Variants in HDAC9 observed in about 807,000 individuals in gnomAD.
HDAC9 encodes the protein MEF-2 interacting transcription repressor (MITR) protein.
A neutral mutation model predicts 139.4 loss-of-function variants in HDAC9; 41 were observed. The observed-to-expected ratio is 0.29, with a 90% CI of 0.23 to 0.38. HDAC9 has a LOEUF of 0.38. HDAC9 is among the 10% of genes least tolerant of loss of function. The probability of loss-of-function intolerance (pLI) is 1.00; values close to 1 mark genes in which losing one functional copy is unlikely to be tolerated. For missense variants in HDAC9, 1,147 were observed against 1,297.0 expected (o/e 0.88, Z 1.78); for synonymous variants, 517 against 476.2 (o/e 1.09, Z -1.12).
At chr7:18,811,449 A>C (rs1313634429) in intron 17 of HDAC9, among the ~76,000 whole-genome samples, 1 of 151,476 alleles carries the variant, frequency 6.6e-6, no homozygotes, top group Non-Finnish European at 1.5e-5. Flanking sequence ...TTTCATTTTC[A>C]CTTGTCTGAT....
intron 6 of HDAC9, among the ~76,000 whole-genome samples, chr7:18,594,408 A>C (rs1245699211): frequency 1.3e-5 from 2 of 152,118 alleles, no homozygotes; most frequent in Non-Finnish European, 2.9e-5. Context: ...CATTTACCAC[A>C]AAAACGAGAA....
chr7:18,791,827 G>A (rs894854015), intron 16 of HDAC9, among the ~76,000 whole-genome samples: 29 of 152,312 alleles, frequency 1.9e-4, no homozygotes, highest in Non-Finnish European at 1.5e-4. Context: ...TGAAATGGTA[G>A]TAGCTAGCTT....
intron 17 of HDAC9, among the ~76,000 whole-genome samples, chr7:18,806,360 G>T (rs796765702): frequency 2.0e-5 from 3 of 152,250 alleles, no homozygotes; most frequent in Admixed American, 6.5e-5. Flanking sequence ...CCTTATTCAG[G>T]GGATGGCAGA....
intron 5 of HDAC9, among the ~76,000 whole-genome samples, chr7:18,592,770 A>G (rs1407429458): frequency 1.3e-5 from 2 of 152,158 alleles, no homozygotes; most frequent in Non-Finnish European, 2.9e-5. Flanking sequence ...CAAATCTCTG[A>G]AAAACAATTT....
intron 25 of HDAC9, among the ~76,000 whole-genome samples, chr7:18,991,933 C>T (rs1786010931): frequency 6.6e-6 from 1 of 152,132 alleles, no homozygotes; most frequent in African/African-American, 2.4e-5. Context: ...GTTCCTAGTG[C>T]CTAGAACAGA....
chr7:18,602,322 G>A (rs75885189), intron 6 of HDAC9, among the ~76,000 whole-genome samples: 4,016 of 151,878 alleles, frequency 0.026, 129 homozygotes, highest in African/African-American at 0.075. Context: ...TCTAATATTA[G>A]TTATTAGTTT....
At chr7:18,768,958 C>T (rs1057173285) in intron 16 of HDAC9, among the ~76,000 whole-genome samples, 7 of 152,080 alleles carry the variant, frequency 4.6e-5, no homozygotes, top group African/African-American at 1.4e-4. Context: ...ATGCTTTTGC[C>T]AAACTGTAGG....
chr7:18,429,513 A>G (rs1263560555), intron 1 of HDAC9, among the ~76,000 whole-genome samples: 2 of 152,016 alleles, frequency 1.3e-5, no homozygotes, highest in Non-Finnish European at 2.9e-5. Context: ...TCAATTGCAG[A>G]TGGCTATCCA....
At chr7:18,925,200 A>G (rs1212382460) in intron 22 of HDAC9, among the ~76,000 whole-genome samples, 3 of 152,130 alleles carry the variant, frequency 2.0e-5, no homozygotes, top group Non-Finnish European at 4.4e-5. Flanking sequence ...GCACTTCAAT[A>G]TTACTTGGAT....
intron 1 of HDAC9, among the ~76,000 whole-genome samples, chr7:18,408,046 G>T (rs1473983789): frequency 6.6e-6 from 1 of 151,974 alleles, no homozygotes; most frequent in East Asian, 1.9e-4. Flanking sequence ...ATTATTGAGG[G>T]GATTAAATGA....
chr7:18,591,488 TG>T (rs1830950428), intron 4 of HDAC9, 27 bp from the exon 5 acceptor site: 1 of 1,547,246 alleles, frequency 6.5e-7, no homozygotes, highest in Non-Finnish European at 8.7e-7. Flanking sequence ...TGTGTGTGTG[TG>T]TGTGTGTGTG....
intron 21 of HDAC9, among the ~76,000 whole-genome samples, chr7:18,870,997 T>A (rs1036529016): frequency 6.6e-6 from 1 of 152,198 alleles, no homozygotes; most frequent in Non-Finnish European, 1.5e-5. Context: ...GAATCTTGCC[T>A]GCATCAGTTA....
At chr7:18,712,474 A>T (rs1205780561) in intron 12 of HDAC9, among the ~76,000 whole-genome samples, 3 of 152,246 alleles carry the variant, frequency 2.0e-5, no homozygotes, top group Non-Finnish European at 4.4e-5. Context: ...ATAAATAGCT[A>T]CTAATAACTA....
At chr7:18,701,174 T>C (rs1783442390) in intron 12 of HDAC9, among the ~76,000 whole-genome samples, 1 of 151,510 alleles carries the variant, frequency 6.6e-6, no homozygotes, top group South Asian at 2.1e-4. Flanking sequence ...ACCTTGCCAC[T>C]GTGAGGTTTT....
chr7:18,809,512 T>C (rs1387430866), intron 17 of HDAC9, among the ~76,000 whole-genome samples: 3 of 151,826 alleles, frequency 2.0e-5, no homozygotes, highest in Non-Finnish European at 4.4e-5. Context: ...CAAAATAACC[T>C]GATGAAAAGG....
intron 9 of HDAC9, 32 bp downstream of exon 9, chr7:18,644,825 A>T: frequency 6.3e-7 from 1 of 1,582,334 alleles, no homozygotes; most frequent in East Asian, 2.3e-5. Flanking sequence ...GCCTTAATCA[A>T]CCTAAGCAAT....
chr7:18,493,929 AC>A (rs1463624413), upstream of HDAC9, among the ~76,000 whole-genome samples: 1 of 152,032 alleles, frequency 6.6e-6, no homozygotes, highest in Non-Finnish European at 1.5e-5. Flanking sequence ...TTTGAAAACT[AC>A]AATTGACTAT....
At chr7:18,375,925 A>G (rs185642536) in intron 1 of HDAC9, among the ~76,000 whole-genome samples, 46 of 152,356 alleles carry the variant, frequency 3.0e-4, no homozygotes, top group Admixed American at 2.4e-3. Context: ...ATGTTTGTGA[A>G]GAAATAATTA....
intron 6 of HDAC9, among the ~76,000 whole-genome samples, chr7:18,607,402 C>A (rs1396868081): frequency 6.6e-6 from 1 of 152,208 alleles, no homozygotes; most frequent in Non-Finnish European, 1.5e-5. Context: ...GCTGTGTGAC[C>A]TGCACATAGT....
Sources: gnomAD v4.1 joint callset for allele counts (sites outside exome capture counted in the v4.1 genomes callset) on GRCh38, gnomAD v4.1.1 for gene constraint, MANE v1.5 for transcripts, NCBI Gene and HGNC (gene_info 2026-07-23, HGNC 2026-07-21) for gene names.